The following RUSC2 variants were observed in gnomAD, a reference collection of about 807,000 sequenced individuals.
RUSC2 encodes the protein AP-4 complex accessory subunit RUSC2.
RUSC2 carries 34 observed loss-of-function variants against 122.2 expected under a neutral mutation model. The ratio of observed to expected loss-of-function variants is 0.28; its 90% confidence interval spans 0.21 to 0.37. The LOEUF (loss-of-function observed/expected upper bound fraction) is 0.37, where lower values mean the gene tolerates loss of function less well. Ranked by LOEUF, RUSC2 falls within the 10% of genes least tolerant of loss-of-function variation. RUSC2 has a pLI of 1.00. For missense variants in RUSC2, 1,747 were observed against 1,952.4 expected (o/e 0.89, Z 1.98); for synonymous variants, 784 against 790.0 (o/e 0.99, Z 0.13).
chr9:35,504,494 T>G (rs926164065), intron 1 of RUSC2, among the ~76,000 whole-genome samples: 6 of 151,696 alleles, frequency 4.0e-5, no homozygotes, highest in Non-Finnish European at 7.4e-5. Context: ...AGACGGAGTT[T>G]CGCTCTTGTT....
intron 1 of RUSC2, among the ~76,000 whole-genome samples, chr9:35,512,285 AT>A (rs1172834153): frequency 2.6e-5 from 4 of 152,166 alleles, no homozygotes; most frequent in Non-Finnish European, 5.9e-5. Context: ...TTTTCATCTA[AT>A]TTTTTGTTTT....
intron 1 of RUSC2, among the ~76,000 whole-genome samples, chr9:35,494,099 A>G (rs962706593): frequency 4.0e-5 from 6 of 149,512 alleles, no homozygotes; most frequent in African/African-American, 1.5e-4. Context: ...TTACATTCTC[A>G]TCAGCAATGC....
chr9:35,494,410 G>A (rs1820631797), intron 1 of RUSC2, among the ~76,000 whole-genome samples: 2 of 152,158 alleles, frequency 1.3e-5, no homozygotes, highest in South Asian at 4.1e-4. Context: ...GTTGCAGTGA[G>A]CTGAGCTCAT....
Position 35,558,638 on chromosome 9 carries a change from C to A in RUSC2, c.3341+71C>A. On this transcript the variant is annotated intron_variant, in intron 8 of 11. Transcript: ENST00000361226. The surrounding 1 kb of genome is among the most constrained non-coding windows in gnomAD (Gnocchi z 4.3). ...CCCCACCCCCGGGCTCTGCCTGCAC[C>A]AAGGAAACAACGCCCTGGACAGACA... 6 of 1,267,814 alleles carry A rather than the reference C, an allele frequency of 4.7e-6. No individual in the cohort carries two copies. The highest frequency in any genetic ancestry group is 1.2e-5 in the South Asian group (1 of 83,634). 78.5% of individuals were successfully genotyped at this position (1,267,814 alleles called of 1,614,324 possible). A position where few individuals can be genotyped will look rare whatever the true frequency, so the allele number is the denominator to read the frequency against.
Position 35,555,347 on chromosome 9 carries a change from G to A in RUSC2, c.2302G>A (p.Glu768Lys). Residue 768 changes from glutamate (E) to lysine (K), a missense_variant, in exon 3 of 12, where the codon GAG (glutamate) becomes AAG (lysine). Transcript: ENST00000361226. This position sits in a 1 kb window ranked among gnomAD's most constrained non-coding sequence, Gnocchi z 4.6. ...TGRGARKAGS[E>K]PETSRPSPLG... Reference sequence around the variant, plus strand: ...CAGAGGTGCCAGGAAAGCTGGGTCTGAGCCAGAGACCTCTCGGCCATCGCC... The same window carrying A: ...CAGAGGTGCCAGGAAAGCTGGGTCTAAGCCAGAGACCTCTCGGCCATCGCC... The A allele has an allele frequency of 6.2e-7, 1 of 1,614,222 alleles. No individual in the cohort carries two copies. Among genetic ancestry groups the A allele is most frequent in the South Asian group, 1.1e-5 (1 of 91,088 alleles).
intron 1 of RUSC2, among the ~76,000 whole-genome samples, chr9:35,504,185 A>G (rs1223690778): frequency 1.3e-4 from 20 of 152,212 alleles, no homozygotes; most frequent in Non-Finnish European, 2.9e-5. Flanking sequence ...AATGATTTGA[A>G]TAGTTTTAAG....
intron 1 of RUSC2, among the ~76,000 whole-genome samples, chr9:35,513,831 G>C (rs1001303563): frequency 4.8e-5 from 7 of 145,894 alleles, no homozygotes; most frequent in Non-Finnish European, 1.0e-4. Flanking sequence ...GGGCAACATA[G>C]CAAGACCCTG....
At chr9:35,554,101 T>A (rs1354209335) in intron 2 of RUSC2, among the ~76,000 whole-genome samples, 3 of 152,216 alleles carry the variant, frequency 2.0e-5, no homozygotes, top group Non-Finnish European at 4.4e-5. Flanking sequence ...CTGGTGAGCT[T>A]TCACCAGGGC....
intron 1 of RUSC2, among the ~76,000 whole-genome samples, chr9:35,492,360 A>G (rs918795318): frequency 1.4e-4 from 22 of 152,062 alleles, no homozygotes; most frequent in Non-Finnish European, 7.4e-5. Flanking sequence ...CACAATGACT[A>G]TGCACCCTGC....
At chr9:35,494,885 GT>G (rs1820646752) in intron 1 of RUSC2, among the ~76,000 whole-genome samples, 1 of 136,042 alleles carries the variant, frequency 7.4e-6, no homozygotes, top group Admixed American at 8.3e-5. Flanking sequence ...CTTTCCCTCT[GT>G]TTTCTTGTTT....
At chr9:35,556,548 G>GGCCCTCTAAGTGCTGGCTGA in intron 5 of RUSC2, 100 bp downstream of exon 5, 5 of 1,335,934 alleles carry the variant, frequency 3.7e-6, no homozygotes, top group Non-Finnish European at 5.1e-6. Context: ...GTGCTGGCTG[G>GGCCCTCTAAGTGCTGGCTGA]GCCCAGTGGC....
intron 1 of RUSC2, among the ~76,000 whole-genome samples, chr9:35,524,873 A>AG (rs1178955592): frequency 6.6e-6 from 1 of 151,934 alleles, no homozygotes; most frequent in Non-Finnish European, 1.5e-5. Flanking sequence ...CGGGAGGCTG[A>AG]GGCAGGAGAA....
At chr9:35,515,408 AT>A (rs905484603) in intron 1 of RUSC2, among the ~76,000 whole-genome samples, 10 of 148,368 alleles carry the variant, frequency 6.7e-5, no homozygotes, top group Admixed American at 2.0e-4. Context: ...GATTGCTGCT[AT>A]TTTTTTTTTC....
intron 9 of RUSC2, 93 bp from the exon 10 acceptor site, chr9:35,559,934 GTC>G: frequency 4.8e-6 from 5 of 1,049,224 alleles, no homozygotes; most frequent in Non-Finnish European, 7.0e-6. Flanking sequence ...CTGCACCGCT[GTC>G]TGCAGCAGCT....
rs200120868 is a variant in RUSC2, at chr9:35,547,040, A to G, written c.519A>G (p.Glu173=). 4.8e-5 allele frequency: 78 copies of G among 1,610,814 alleles called. No homozygotes were observed. In the East Asian group the frequency reaches 1.2e-3, roughly 26 times the overall value. ...GGGCTGGAGTGGTGGAAGGGCAGGA[A>G]CAGGAGCCAGTGATGACCTTGGATA... The part of the protein sequence containing the change: ...RSRAGVVEGQ[E]QEPVMTLDTQ... Residue 173 remains glutamate, a synonymous_variant, in exon 2 of 12, where the codon GAA becomes GAG. Coordinates refer to ENST00000361226, the MANE Select transcript of RUSC2 (RefSeq NM_014806.5). The surrounding 1 kb of genome is among the most constrained non-coding windows in gnomAD (Gnocchi z 4.6).
chr9:35,510,249 C>G (rs1250060360), intron 1 of RUSC2, among the ~76,000 whole-genome samples: 1 of 152,184 alleles, frequency 6.6e-6, no homozygotes, highest in Admixed American at 6.5e-5. Context: ...TGGTGGCTCA[C>G]ACCTGTAATT....
chr9:35,516,540 G>A (rs1007754154), intron 1 of RUSC2, among the ~76,000 whole-genome samples: 3 of 152,202 alleles, frequency 2.0e-5, no homozygotes, highest in Admixed American at 6.5e-5. Flanking sequence ...GAATGATAAT[G>A]CAATAAGCTA....
rs769013282 is a variant in RUSC2, at chr9:35,560,409, T to C, written c.3769T>C (p.Ser1257Pro). The change falls in exon 10 of 12, where the codon TCA (serine) becomes CCA (proline). Residue 1257 changes from serine (S) to proline (P), a missense_variant. By Grantham distance (74) the Ser-to-Pro change is moderately conservative (BLOSUM62 -1). Transcript: ENST00000361226. ...AGAGGTGGCAGAGGCAGCCGGGGGC[T>C]CAGGGCGTGCCAGGTGGGCCCGAGG... ...TEEVAEAAGG[S>P]GRARWARGGQ... 3 of 1,613,968 alleles carry C rather than the reference T, an allele frequency of 1.9e-6. No individual in the cohort carries two copies. The highest frequency in any genetic ancestry group is 1.7e-5 in the Admixed American group (1 of 60,000).
At chr9:35,544,243 G>C (rs1365471674) in intron 1 of RUSC2, among the ~76,000 whole-genome samples, 1 of 149,892 alleles carries the variant, frequency 6.7e-6, no homozygotes, top group African/African-American at 2.5e-5. Context: ...TTAGACACTT[G>C]TATGTCTTCT....
Sources: allele counts gnomAD v4.1 joint callset (sites outside exome capture counted in the v4.1 genomes callset), GRCh38; gene constraint gnomAD v4.1.1; non-coding constraint Gnocchi (gnomAD v3.1); transcripts MANE v1.5; gene names NCBI Gene and HGNC (gene_info 2026-07-23, HGNC 2026-07-21).